Variants in RAB7A observed in about 807,000 individuals in gnomAD.
RAB7A encodes RAB7A, member RAS oncogene family.
Under a neutral mutation model 24.5 loss-of-function variants are expected in RAB7A, and 2 were observed. The observed-to-expected ratio is 0.08, with a 90% CI of 0.03 to 0.26. The LOEUF is 0.26. Ranked by LOEUF, RAB7A falls within the 10% of genes least tolerant of loss-of-function variation. The pLI is 1.00. For missense variants in RAB7A, 118 were observed against 255.7 expected, an observed-to-expected ratio of 0.46 and a Z score of 3.67; for synonymous variants, 100 against 95.9, an observed-to-expected ratio of 1.04 and a Z score of -0.25.
At chr3:128,762,839 A>G (rs1484925804) in intron 1 of RAB7A, among the ~76,000 whole-genome samples, 1 of 152,218 alleles carries the variant, frequency 6.6e-6, no homozygotes, top group South Asian at 2.1e-4. Flanking sequence ...TCAGACATAT[A>G]CAAAGCAAAG....
At chr3:128,762,117 C>T (rs1258151131) in intron 1 of RAB7A, among the ~76,000 whole-genome samples, 1 of 151,914 alleles carries the variant, frequency 6.6e-6, no homozygotes, top group Non-Finnish European at 1.5e-5. Flanking sequence ...AATATTTTAC[C>T]ACAGTAATTT....
chr3:128,786,176 G>C (rs1933336056), intron 1 of RAB7A, among the ~76,000 whole-genome samples: 1 of 152,200 alleles, frequency 6.6e-6, no homozygotes, highest in Non-Finnish European at 1.5e-5. Flanking sequence ...TGTTGGAGGA[G>C]TAAACAAATT....
At chr3:128,796,080 T>C (rs1933569218) in intron 2 of RAB7A, among the ~76,000 whole-genome samples, 2 of 152,084 alleles carry the variant, frequency 1.3e-5, no homozygotes, top group East Asian at 3.9e-4. Flanking sequence ...CACCATACAG[T>C]ATCCTCCTGC....
intron 1 of RAB7A, among the ~76,000 whole-genome samples, chr3:128,728,086 A>G (rs1407755925): frequency 1.3e-5 from 2 of 152,180 alleles, no homozygotes; most frequent in African/African-American, 4.8e-5. Context: ...TATTTTGAGT[A>G]TCCATTGAGT....
chr3:128,771,827 T>G (rs1353221396), intron 1 of RAB7A, among the ~76,000 whole-genome samples: 2 of 152,240 alleles, frequency 1.3e-5, no homozygotes, highest in Non-Finnish European at 2.9e-5. Context: ...CTGAATGCCT[T>G]GGCTTCAGCC....
chr3:128,775,683 A>C (rs1933071221), intron 1 of RAB7A, among the ~76,000 whole-genome samples: 1 of 152,254 alleles, frequency 6.6e-6, no homozygotes, highest in South Asian at 2.1e-4. Context: ...GGAAGTGGTC[A>C]TAAGGAAATT....
At chr3:128,806,766 G>C (rs1365745079) in intron 4 of RAB7A, among the ~76,000 whole-genome samples, 176 bp downstream of exon 4, 2 of 152,214 alleles carry the variant, frequency 1.3e-5, no homozygotes, top group African/African-American at 4.8e-5. Flanking sequence ...CAGGTGACCT[G>C]GGTTAAGTCC....
rs148295507 is a variant in RAB7A, at chr3:128,795,653, T to C, written c.53+233T>C. 3.3e-3 allele frequency among the ~76,000 whole-genome samples: 495 copies of C among 152,062 alleles called. 4 individuals carry two copies. The highest frequency in any genetic ancestry group is 0.011 in the African/African-American group (470 of 41,470). ...ATGGCTATTTGAACTCAACTAAGGA[T>C]AGGCATTTTCATGGAATCCCTTTTC... On this transcript the variant is annotated intron_variant, in intron 2 of 5. Coordinates refer to ENST00000265062, the MANE Select transcript of RAB7A (RefSeq NM_004637.6).
At chr3:128,794,250 C>T (rs1359673927) in intron 1 of RAB7A, among the ~76,000 whole-genome samples, 1 of 152,164 alleles carries the variant, frequency 6.6e-6, no homozygotes, top group Non-Finnish European at 1.5e-5. Context: ...AAGATGGTAG[C>T]GGCCAGTATT....
intron 1 of RAB7A, among the ~76,000 whole-genome samples, chr3:128,773,359 G>A (rs1481508139): frequency 6.6e-6 from 1 of 151,754 alleles, no homozygotes; most frequent in African/African-American, 2.4e-5. Context: ...CCTCCACCCG[G>A]CAGCCGCCCC....
At chr3:128,766,895 C>T (rs1487439269) in intron 1 of RAB7A, among the ~76,000 whole-genome samples, 3 of 152,076 alleles carry the variant, frequency 2.0e-5, no homozygotes, top group African/African-American at 7.2e-5. Context: ...AAAATGGCTG[C>T]ACCACTTTAC....
chr3:128,746,814 C>G (rs987076124), intron 1 of RAB7A, among the ~76,000 whole-genome samples: 19 of 151,426 alleles, frequency 1.3e-4, no homozygotes, highest in African/African-American at 4.4e-4. Flanking sequence ...CAGGTGTGAG[C>G]CACCCGGCCC....
At chr3:128,809,934 G>GTTTTTTTTTTTTTTTT in intron 5 of RAB7A, among the ~76,000 whole-genome samples, 1 of 47,548 alleles carries the variant, frequency 2.1e-5, no homozygotes, top group Non-Finnish European at 4.1e-5. Flanking sequence ...TCTTGCCACA[G>GTTTTTTTTTTTTTTTT]TCTTTTTTTT....
At chr3:128,732,920 TCTC>T (rs2070453071) in intron 1 of RAB7A, among the ~76,000 whole-genome samples, 1 of 152,250 alleles carries the variant, frequency 6.6e-6, no homozygotes, top group South Asian at 2.1e-4. Context: ...CTGTGATACT[TCTC>T]CTAGTAGACA....
chr3:128,792,891 C>T (rs1477274690), intron 1 of RAB7A, among the ~76,000 whole-genome samples: 1 of 151,644 alleles, frequency 6.6e-6, no homozygotes, highest in Non-Finnish European at 1.5e-5. Flanking sequence ...CGCACTGTCA[C>T]CCAGGCTGGA....
chr3:128,740,897 CAAAAAAA>C (rs59043831), intron 1 of RAB7A, among the ~76,000 whole-genome samples: 7 of 79,596 alleles, frequency 8.8e-5, no homozygotes, highest in Admixed American at 1.4e-4. Flanking sequence ...GGAGATGTCT[CAAAAAAA>C]AAAAAAAAAA....
At chr3:128,748,575 ATATT>A (rs2070644509) in intron 1 of RAB7A, 1 of 152,170 alleles carries the variant, frequency 6.6e-6, no homozygotes, top group South Asian at 2.1e-4. Context: ...TGGTGTAGTC[ATATT>A]TGTTTTCCCA....
intron 1 of RAB7A, among the ~76,000 whole-genome samples, chr3:128,735,238 G>C (rs927925688): frequency 6.6e-6 from 1 of 152,196 alleles, no homozygotes; most frequent in Admixed American, 6.5e-5. Context: ...TTGGTAGGCA[G>C]GTGAGAGTTG....
At chr3:128,753,682 T>C (rs1209319158) in intron 1 of RAB7A, among the ~76,000 whole-genome samples, 1 of 152,230 alleles carries the variant, frequency 6.6e-6, no homozygotes, top group Non-Finnish European at 1.5e-5. Flanking sequence ...GTCCCTTGTT[T>C]CTGTGTCCTC....
Sources: gnomAD v4.1 joint callset for allele counts (sites outside exome capture counted in the v4.1 genomes callset) on GRCh38, gnomAD v4.1.1 for gene constraint, MANE v1.5 for transcripts, NCBI Gene and HGNC (gene_info 2026-07-23, HGNC 2026-07-21) for gene names.